Variants in STK33 observed in about 807,000 individuals in gnomAD.
STK33 encodes serine/threonine kinase 33, also known as serine/threonine-protein kinase 33.
Under a neutral mutation model 58.0 loss-of-function variants are expected in STK33, and 52 were observed. That is an observed-to-expected ratio of 0.90 (90% CI 0.72 to 1.13). STK33 has a LOEUF of 1.13. Ranked by LOEUF, STK33 falls within the 50% of genes most tolerant of loss-of-function variation. The pLI, the probability that STK33 is intolerant of heterozygous loss-of-function variation, is 0.00. For missense variants in STK33, 630 were observed against 604.2 expected (o/e 1.04, Z -0.45); for synonymous variants, 215 against 200.1 (o/e 1.07, Z -0.63).
At chr11:8,469,546 G>T (rs534922455) in intron 6 of STK33, among the ~76,000 whole-genome samples, 2 of 152,290 alleles carry the variant, frequency 1.3e-5, no homozygotes, top group South Asian at 4.1e-4. Context: ...GACTCCATCA[G>T]TGTTGATATT....
At chr11:8,543,064 A>G (rs1250966676) in intron 1 of STK33, among the ~76,000 whole-genome samples, 1 of 152,078 alleles carries the variant, frequency 6.6e-6, no homozygotes, top group African/African-American at 2.4e-5. Context: ...ATGCCGCCCA[A>G]TGCAGACTCT....
At chr11:8,459,835 G>C (rs1251526326) in intron 8 of STK33, among the ~76,000 whole-genome samples, 3 of 152,134 alleles carry the variant, frequency 2.0e-5, no homozygotes, top group African/African-American at 4.8e-5. Context: ...TTCTTCAGGA[G>C]AGCATGAATC....
chr11:8,404,700 A>C (rs546007853), intron 15 of STK33, among the ~76,000 whole-genome samples: 4 of 152,150 alleles, frequency 2.6e-5, no homozygotes, highest in African/African-American at 9.7e-5. Context: ...ATGTACCACA[A>C]TTTGTTTACT....
intron 15 of STK33, among the ~76,000 whole-genome samples, chr11:8,402,381 C>G (rs1938211729): frequency 6.6e-6 from 1 of 151,880 alleles, no homozygotes; most frequent in African/African-American, 2.4e-5. Context: ...AACCAAACAC[C>G]ACGTGTTCTC....
downstream of STK33, among the ~76,000 whole-genome samples, chr11:8,389,073 G>A (rs961421773): frequency 6.9e-6 from 1 of 145,962 alleles, no homozygotes; most frequent in Non-Finnish European, 1.6e-5. Context: ...GCCAAAGACA[G>A]GTGGTAAACT....
At chr11:8,500,203 A>C (rs1401772295) in intron 1 of STK33, among the ~76,000 whole-genome samples, 1 of 152,178 alleles carries the variant, frequency 6.6e-6, no homozygotes, top group East Asian at 1.9e-4. Flanking sequence ...ACACTACAGC[A>C]CAATTAAACA....
At chr11:8,579,505 T>C (rs918723984) in intron 1 of STK33, among the ~76,000 whole-genome samples, 1 of 152,124 alleles carries the variant, frequency 6.6e-6, no homozygotes. Flanking sequence ...ATCTCTCTTG[T>C]AGATGAATAT....
downstream of STK33, among the ~76,000 whole-genome samples, chr11:8,387,968 T>C (rs1340404191): frequency 6.6e-6 from 1 of 152,222 alleles, no homozygotes; most frequent in Non-Finnish European, 1.5e-5. Context: ...GAGACTTCTA[T>C]GGCCCCTGTA....
chr11:8,433,275 GA>G (rs1943633456), intron 14 of STK33, among the ~76,000 whole-genome samples: 6 of 152,124 alleles, frequency 3.9e-5, no homozygotes, highest in Non-Finnish European at 4.4e-5. Flanking sequence ...GTTATTCAAA[GA>G]AATGATTAGA....
downstream of STK33, among the ~76,000 whole-genome samples, chr11:8,390,791 C>T (rs1190495679): frequency 6.6e-6 from 1 of 152,274 alleles, no homozygotes; most frequent in East Asian, 1.9e-4. Context: ...TAGTTCTGGA[C>T]CTTTGCTCAA....
intron 1 of STK33, among the ~76,000 whole-genome samples, chr11:8,573,843 C>T (rs1957993424): frequency 6.6e-6 from 1 of 152,126 alleles, no homozygotes; most frequent in South Asian, 2.1e-4. Flanking sequence ...TGTATGATTC[C>T]ATTTATATAA....
chr11:8,435,541 C>T lies in STK33; in HGVS notation c.1099G>A (p.Ala367Thr). ...AGTTCCTTAGCTGTGATTCTGTGAG[C>T]AGGATCTACTTTCATAAGTTGTTTC... ...VLKQLMKVDP[A>T]HRITAKELLD... The change falls in exon 14 of 16, where the codon GCT becomes ACT. Residue 367 changes from alanine (A) to threonine (T), a missense_variant. Ala to Thr is a moderately conservative substitution (Grantham distance 58). Coordinates refer to ENST00000687296, the MANE Select transcript of STK33 (RefSeq NM_001352389.2). 6.6e-7 allele frequency: 1 copy of T among 1,521,316 alleles called. No homozygotes were observed. The highest frequency in any genetic ancestry group is 8.9e-7 in the Non-Finnish European group (1 of 1,126,194). The allele number at this position is 1,521,316 out of a possible 1,614,324, so 94.2% of individuals were successfully genotyped here.
At chr11:8,370,409 G>C in the STK33 span, among the ~76,000 whole-genome samples, 408 of 151,964 alleles carry the variant, frequency 2.7e-3, 5 homozygotes, top group African/African-American at 9.3e-3. Context: ...TGTTGCCCAG[G>C]CTGGTCTCAA....
At chr11:8,399,873 A>G (rs1354209541) in intron 15 of STK33, among the ~76,000 whole-genome samples, 2 of 152,240 alleles carry the variant, frequency 1.3e-5, no homozygotes, top group African/African-American at 4.8e-5. Flanking sequence ...ATCTAGATGA[A>G]ATGGATAAAT....
At chr11:8,391,583 C>T (rs1190782349), downstream of STK33, among the ~76,000 whole-genome samples, 1 of 152,130 alleles carries the variant, frequency 6.6e-6, no homozygotes, top group Non-Finnish European at 1.5e-5. Flanking sequence ...TAGGTTATGA[C>T]TTTATGAAGG....
At chr11:8,412,500 A>G (rs1033958709) in intron 15 of STK33, among the ~76,000 whole-genome samples, 1 of 152,216 alleles carries the variant, frequency 6.6e-6, no homozygotes, top group African/African-American at 2.4e-5. Context: ...TCATGTTACC[A>G]TGTCCCTTTC....
At chr11:8,478,937 T>C (rs1949540838) in intron 2 of STK33, among the ~76,000 whole-genome samples, 1 of 152,224 alleles carries the variant, frequency 6.6e-6, no homozygotes, top group Non-Finnish European at 1.5e-5. Flanking sequence ...AATGAGTCTG[T>C]ATTGTCTTAT....
chr11:8,541,560 A>G (rs1267376451), intron 1 of STK33, among the ~76,000 whole-genome samples: 3 of 152,210 alleles, frequency 2.0e-5, no homozygotes, highest in African/African-American at 7.2e-5. Flanking sequence ...CTTACTAAAT[A>G]GCTTTTCCCC....
At chr11:8,487,661 G>A (rs1366043126) in intron 1 of STK33, among the ~76,000 whole-genome samples, 1 of 151,962 alleles carries the variant, frequency 6.6e-6, no homozygotes, top group Non-Finnish European at 1.5e-5. Flanking sequence ...TTTCTTGAAG[G>A]GAAGATTGGT....
Sources: allele counts gnomAD v4.1 joint callset (sites outside exome capture counted in the v4.1 genomes callset), GRCh38; gene constraint gnomAD v4.1.1; transcripts MANE v1.5; gene names NCBI Gene and HGNC (gene_info 2026-07-23, HGNC 2026-07-21).